ELAPOR1: variants seen among roughly 807,000 people sequenced by gnomAD.
ELAPOR1 encodes the protein endosome/lysosome-associated apoptosis and autophagy regulator 1.
A neutral mutation model predicts 119.7 loss-of-function variants in ELAPOR1; 77 were observed. The observed-to-expected ratio is 0.64, with a 90% confidence interval of 0.54 to 0.78. The LOEUF is 0.78. ELAPOR1 is among the 30% of genes least tolerant of loss of function. The pLI is 0.00. For synonymous variants in ELAPOR1, 481 were observed against 487.2 expected, an observed-to-expected ratio of 0.99 and a Z score of 0.17; for missense variants, 1,115 against 1,270.4, an observed-to-expected ratio of 0.88 and a Z score of 1.86.
rs1654279442 is a variant in ELAPOR1 at position 109,203,046 on chromosome 1, T to C, written c.*34T>C. 3 of 1,476,816 alleles carry C rather than the reference T, an allele frequency of 2.0e-6. No individual in the cohort carries two copies. The highest frequency in any genetic ancestry group is 1.8e-4 in the Middle Eastern group (1 of 5,664). The allele number at this position is 1,476,816 out of a possible 1,614,324, so 91.5% of individuals were successfully genotyped here. The stretch of plus-strand genomic sequence containing the variant: ...GCCTGCCTCACCTGCCTCCTCACCT[T>C]GCATAGCACCTTTGCAAGCCTGCGG... On this transcript the variant is annotated 3_prime_UTR_variant, in exon 22 of 22. Transcript: ENST00000369939.
In ELAPOR1 at chr1:109,164,711, C is replaced by G; in HGVS notation, c.467+20C>G. 2 of 1,595,938 alleles carry G rather than the reference C, an allele frequency of 1.3e-6. No homozygotes were observed. Among genetic ancestry groups the G allele is most frequent in the Non-Finnish European group, 8.6e-7 (1 of 1,167,224 alleles). On this transcript the variant is annotated intron_variant, in intron 3 of 21. Transcript: ENST00000369939. ...TACTTCGTGAGTCTGCACACACCCCCACCCCACCCCCAGCCCACTGGGTAA... is the reference window on the plus strand; with the variant it reads ...TACTTCGTGAGTCTGCACACACCCCGACCCCACCCCCAGCCCACTGGGTAA...
intron 21 of ELAPOR1, 71 bp from the exon 22 acceptor site, chr1:109,202,873 T>G: frequency 7.0e-7 from 1 of 1,428,054 alleles, no homozygotes; most frequent in Non-Finnish European, 9.9e-7. Flanking sequence ...TCACCTATTT[T>G]CCATTTCTCT....
At chr1:109,159,306 A>G (rs766661031) in intron 1 of ELAPOR1, among the ~76,000 whole-genome samples, 2 of 152,218 alleles carry the variant, frequency 1.3e-5, no homozygotes, top group Non-Finnish European at 1.5e-5. Context: ...GTAAATGAGC[A>G]TATATTGAAA....
Position 109,164,594 on chromosome 1 carries a change from T to C in ELAPOR1, c.370T>C (p.Phe124Leu). The change falls in exon 3 of 22, where the codon TTT becomes CTT. Residue 124 changes from phenylalanine (F) to leucine (L), a missense_variant. Coordinates refer to ENST00000369939, the MANE Select transcript of ELAPOR1 (RefSeq NM_020775.5). ...GRYSLGTGIR[F>L]DEWDELPHGF... ...CTACTCCCTCGGCACAGGCATTCGGTTTGATGAGTGGGATGAGCTGCCCCA... is the reference window on the plus strand; with the variant it reads ...CTACTCCCTCGGCACAGGCATTCGGCTTGATGAGTGGGATGAGCTGCCCCA... The C allele has an allele frequency of 1.2e-6, 2 of 1,614,180 alleles. No homozygotes were observed. Among genetic ancestry groups the C allele is most frequent in the Non-Finnish European group, 1.7e-6 (2 of 1,179,994 alleles).
chr1:109,190,295 G>C (rs1653351623), intron 11 of ELAPOR1, among the ~76,000 whole-genome samples: 1 of 152,220 alleles, frequency 6.6e-6, no homozygotes, highest in South Asian at 2.1e-4. Context: ...CATAAAAACA[G>C]TGTGTGATTT....
chr1:109,144,033 TTATATA>T (rs1265476565), intron 1 of ELAPOR1, among the ~76,000 whole-genome samples: 16 of 91,822 alleles, frequency 1.7e-4, no homozygotes, highest in African/African-American at 7.0e-4. Context: ...TTTTCTAAAA[TTATATA>T]TATATATATA....
intron 1 of ELAPOR1, among the ~76,000 whole-genome samples, chr1:109,156,025 G>A (rs1650854871): frequency 6.6e-6 from 1 of 152,116 alleles, no homozygotes; most frequent in Non-Finnish European, 1.5e-5. Context: ...CACACCTGTA[G>A]TCCCAGCTAC....
chr1:109,171,775 CA>C, intron 3 of ELAPOR1, 90 bp from the exon 4 acceptor site: 1 of 1,360,736 alleles, frequency 7.3e-7, no homozygotes. Context: ...TGAAAATTCC[CA>C]AAGACCCAGC....
chr1:109,183,328 C>CAA (rs67807553), intron 7 of ELAPOR1, among the ~76,000 whole-genome samples: 12 of 29,430 alleles, frequency 4.1e-4, no homozygotes, highest in African/African-American at 1.5e-3. Context: ...CTGTCTCTAC[C>CAA]AAAAAAAAAA....
Position 109,191,096 on chromosome 1 carries a change from C to T in ELAPOR1, c.1440-270C>T, listed in dbSNP as rs80211174. 5.2e-3 allele frequency among the ~76,000 whole-genome samples: 794 copies of T among 152,128 alleles called. 6 individuals carry two copies. Among genetic ancestry groups the T allele is most frequent in the African/African-American group, 0.018 (755 of 41,500 alleles). On this transcript the variant is annotated intron_variant, in intron 11 of 21. Coordinates refer to ENST00000369939, the MANE Select transcript of ELAPOR1 (RefSeq NM_020775.5). ...GGTGATACAGCATTTTATAAAGGAC[C>T]GCCACATCTGTCATGCCTTCAGGTC...
intron 1 of ELAPOR1, among the ~76,000 whole-genome samples, chr1:109,154,387 T>G (rs941432972): frequency 6.6e-6 from 1 of 151,790 alleles, no homozygotes; most frequent in Non-Finnish European, 1.5e-5. Context: ...CTGGAAGGAA[T>G]CTTAGAAGTT....
At position 109,164,597 on chromosome 1, in the gene ELAPOR1, G is replaced by C. The variant is rs1397878784; in HGVS notation, c.373G>C (p.Asp125His). 6.2e-7 allele frequency: 1 copy of C among 1,614,134 alleles called. No individual in the cohort carries two copies. The highest frequency in any genetic ancestry group is 2.2e-5 in the East Asian group (1 of 44,906). ...CTCCCTCGGCACAGGCATTCGGTTT[G>C]ATGAGTGGGATGAGCTGCCCCATGG... ...RYSLGTGIRF[D>H]EWDELPHGFA... Residue 125 changes from aspartate to histidine, a missense_variant, in exon 3 of 22, where the codon GAT becomes CAT. Physicochemically the swap from Asp to His is moderately conservative, Grantham distance 81. Transcript: ENST00000369939.
At chr1:109,174,091 C>A (rs1054329790) in intron 7 of ELAPOR1, among the ~76,000 whole-genome samples, 2 of 150,288 alleles carry the variant, frequency 1.3e-5, no homozygotes, top group African/African-American at 4.9e-5. Context: ...TAGCTCACTG[C>A]AGCCTCAAAC....
In ELAPOR1 at chr1:109,202,621, G is replaced by A. The variant is rs113835413; in HGVS notation, c.2974-323G>A. Reference sequence around the variant, plus strand: ...ATGCCTGGCTAATTTTTGTATTTTCGGTAGAGACAGGGTCTCACCATGTTG... The same window carrying A: ...ATGCCTGGCTAATTTTTGTATTTTCAGTAGAGACAGGGTCTCACCATGTTG... On this transcript the variant is annotated intron_variant, in intron 21 of 21. Transcript: ENST00000369939. Among the ~76,000 whole-genome samples the A allele has an allele frequency of 0.18, 26,854 of 147,404 alleles. 2,471 individuals are homozygous for A. Among genetic ancestry groups the A allele is most frequent in the South Asian group, 0.26 (1,203 of 4,656 alleles).
intron 13 of ELAPOR1, among the ~76,000 whole-genome samples, chr1:109,192,146 T>G (rs1653479919): frequency 6.6e-6 from 1 of 152,228 alleles, no homozygotes; most frequent in Admixed American, 6.5e-5. Context: ...TAATAACAAC[T>G]CTGGTTTTAG....
intron 3 of ELAPOR1, among the ~76,000 whole-genome samples, chr1:109,168,979 C>T (rs544842202): frequency 1.4e-4 from 22 of 152,178 alleles, no homozygotes; most frequent in Non-Finnish European, 2.9e-4. Flanking sequence ...ATGTAACCCA[C>T]TTATGGCATC....
Position 109,200,089 on chromosome 1 carries a change from C to T in ELAPOR1, c.2659C>T (p.Leu887=). The T allele has an allele frequency of 6.2e-7, 1 of 1,614,168 alleles. No homozygotes were observed. The highest frequency in any genetic ancestry group is 8.5e-7 in the Non-Finnish European group (1 of 1,180,028). The change falls in exon 20 of 22, where the codon CTA becomes TTA. Residue 887 remains leucine (L), a synonymous_variant. Transcript: ENST00000369939. ...TACTTACGTGTGGCGAGAACCCAAG[C>T]TATGCTCTGGTGGCATTTCTCTGCC... ...KTTYVWREPK[L]CSGGISLPEQ...
At chr1:109,192,397 T>C (rs1258740612) in intron 13 of ELAPOR1, among the ~76,000 whole-genome samples, 1 of 152,202 alleles carries the variant, frequency 6.6e-6, no homozygotes, top group Non-Finnish European at 1.5e-5. Flanking sequence ...CTTAACATTT[T>C]TATATGTCCT....
intron 17 of ELAPOR1, among the ~76,000 whole-genome samples, 182 bp from the exon 18 acceptor site, chr1:109,198,391 T>C (rs1570732081): frequency 6.6e-6 from 1 of 152,220 alleles, no homozygotes; most frequent in African/African-American, 2.4e-5. Context: ...CTTGACTACA[T>C]ATTGTTGATC....
Sources: gnomAD v4.1 joint callset for allele counts (sites outside exome capture counted in the v4.1 genomes callset) on GRCh38, gnomAD v4.1.1 for gene constraint, MANE v1.5 for transcripts, NCBI Gene and HGNC (gene_info 2026-07-23, HGNC 2026-07-21) for gene names.